The following PTPRD variants were observed in gnomAD, a reference collection of about 807,000 sequenced individuals.
PTPRD encodes protein tyrosine phosphatase receptor type D, also known as receptor-type tyrosine-protein phosphatase delta.
Under a neutral mutation model 214.5 loss-of-function variants are expected in PTPRD, and 34 were observed. The observed-to-expected ratio is 0.16, with a 90% CI of 0.12 to 0.21. The LOEUF (loss-of-function observed/expected upper bound fraction) is 0.21, where lower values mean the gene tolerates loss of function less well. PTPRD is among the 10% of genes least tolerant of loss of function. PTPRD has a pLI of 1.00. For missense variants in PTPRD, 2,545 were observed against 2,398.7 expected (o/e 1.06, Z -1.27); for synonymous variants, 1,128 against 845.7 (o/e 1.33, Z -5.79).
At chr9:9,105,236 T>A (rs1331481275) in intron 10 of PTPRD, among the ~76,000 whole-genome samples, 1 of 152,194 alleles carries the variant, frequency 6.6e-6, no homozygotes, top group Non-Finnish European at 1.5e-5. Context: ...AGAGGTGGCC[T>A]TATTCAACTC....
chr9:8,391,867 G>C (rs1050034253), intron 36 of PTPRD, among the ~76,000 whole-genome samples: 1 of 152,104 alleles, frequency 6.6e-6, no homozygotes, highest in Admixed American at 6.6e-5. Flanking sequence ...CAGGGAATCA[G>C]ACCCATCCAA....
In PTPRD at chr9:8,404,543, T is replaced by A; in HGVS notation, c.4204A>T (p.Ile1402Leu). The change falls in exon 36 of 46, where the codon ATA (isoleucine) becomes TTA (leucine). Residue 1402 changes from isoleucine to leucine, a missense_variant. Physicochemically the swap from Ile to Leu is conservative, Grantham distance 5. Coordinates refer to ENST00000381196, the MANE Select transcript of PTPRD (RefSeq NM_002839.4). The part of the protein sequence containing the change: ...YDHSRVLLSA[I>L]EGIPGSDYVN... ...GATGTCTGCATTTCCTTACCTTCTA[T>A]AGCTGATAGGAGAACCCGGGAATGA... The A allele has an allele frequency of 6.2e-7, 1 of 1,612,038 alleles. No individual in the cohort carries two copies. Among genetic ancestry groups the A allele is most frequent in the Non-Finnish European group, 8.5e-7 (1 of 1,178,416 alleles).
intron 11 of PTPRD, among the ~76,000 whole-genome samples, chr9:8,911,294 T>G (rs1185185183): frequency 6.6e-6 from 1 of 152,162 alleles, no homozygotes. Flanking sequence ...AACCCTCGTA[T>G]TTAAGGTCAA....
chr9:9,551,180 G>C (rs1405325107), intron 8 of PTPRD, among the ~76,000 whole-genome samples: 1 of 151,812 alleles, frequency 6.6e-6, no homozygotes, highest in Admixed American at 6.6e-5. Context: ...TAGTATGGAG[G>C]GGCTCATTTA....
intron 10 of PTPRD, among the ~76,000 whole-genome samples, chr9:9,114,433 A>G (rs972214788): frequency 6.6e-6 from 1 of 152,184 alleles, no homozygotes; most frequent in Non-Finnish European, 1.5e-5. Context: ...GTAAAACCTC[A>G]GTGGGATCAT....
intron 7 of PTPRD, among the ~76,000 whole-genome samples, chr9:9,662,244 C>T (rs903696234): frequency 6.6e-6 from 1 of 151,562 alleles, no homozygotes; most frequent in African/African-American, 2.4e-5. Context: ...AGTATCATAA[C>T]AAAACCATTA....
At chr9:8,697,336 G>C (rs1476671060) in intron 12 of PTPRD, among the ~76,000 whole-genome samples, 1 of 151,406 alleles carries the variant, frequency 6.6e-6, no homozygotes, top group Non-Finnish European at 1.5e-5. Flanking sequence ...ATATTTTAAA[G>C]CATTCTTTTC....
intron 9 of PTPRD, among the ~76,000 whole-genome samples, chr9:9,364,974 A>G (rs1012139941): frequency 2.0e-5 from 3 of 151,500 alleles, no homozygotes; most frequent in South Asian, 2.1e-4. Flanking sequence ...TTCTAGGTAC[A>G]TTGAGATTGT....
At position 9,709,790 on chromosome 9, in the gene PTPRD, G is replaced by A. The variant is rs75701615; in HGVS notation, c.-287+24743C>T. ...TGTAATCACCATTGATATAGTAGAC[G>A]TCATTAAATCATATTTTGTAAATTT... On this transcript the variant is annotated intron_variant, in intron 7 of 45. Transcript: ENST00000381196. Among the ~76,000 whole-genome samples the A allele has an allele frequency of 6.7e-3, 1,014 of 152,040 alleles. 8 individuals are homozygous for A. The highest frequency in any genetic ancestry group is 0.023 in the African/African-American group (970 of 41,514).
rs76179710 is a variant in PTPRD, at chr9:9,600,659, C to T, written c.-286-25878G>A. 7.7e-3 allele frequency among the ~76,000 whole-genome samples: 1,172 copies of T among 152,160 alleles called. 14 individuals are homozygous for T. The highest frequency in any genetic ancestry group is 0.027 in the African/African-American group (1,111 of 41,526). On this transcript the variant is annotated intron_variant, in intron 7 of 45. Coordinates refer to ENST00000381196, the MANE Select transcript of PTPRD (RefSeq NM_002839.4). ...CTGGCATCAACTGTTTTGTGAGTTC[C>T]CTTTAACTGTTCTTTCTTCTCTGAT... is the stretch of plus-strand genomic sequence containing the variant.
Position 8,597,912 on chromosome 9 carries a change from A to G in PTPRD, c.352+35405T>C, listed in dbSNP as rs144686969. ...AAAATGTACTCATTTTTCTTGGACC[A>G]ACTTGTTTAAAGACACAAAGGACTC... is the stretch of plus-strand genomic sequence containing the variant. On this transcript the variant is annotated intron_variant, in intron 14 of 45. Transcript: ENST00000381196. Among the ~76,000 whole-genome samples the G allele has an allele frequency of 8.0e-3, 1,225 of 152,272 alleles. 65 individuals are homozygous for G. The highest frequency in any genetic ancestry group is 0.074 in the Admixed American group (1,128 of 15,280).
chr9:8,348,980 GTCTCTACTGTTT>G (rs926731209), intron 39 of PTPRD, among the ~76,000 whole-genome samples: 4 of 151,970 alleles, frequency 2.6e-5, no homozygotes, highest in Admixed American at 1.3e-4. Flanking sequence ...CAGCTTCGTT[GTCTCTACTGTTT>G]GGCAATTTCC....
chr9:10,345,428 C>G (rs367660085), intron 2 of PTPRD, among the ~76,000 whole-genome samples: 1 of 151,434 alleles, frequency 6.6e-6, no homozygotes, highest in African/African-American at 2.4e-5. Context: ...CCCCCCACCC[C>G]CCACATGCCC....
intron 11 of PTPRD, among the ~76,000 whole-genome samples, chr9:8,810,252 C>A (rs184170338): frequency 6.6e-6 from 1 of 152,100 alleles, no homozygotes; most frequent in Non-Finnish European, 1.5e-5. Flanking sequence ...GACTATTGCA[C>A]ACAAAAAAAA....
At chr9:8,384,402 C>G (rs1341590779) in intron 37 of PTPRD, among the ~76,000 whole-genome samples, 1 of 151,878 alleles carries the variant, frequency 6.6e-6, no homozygotes, top group South Asian at 2.1e-4. Flanking sequence ...AAGATGGAAA[C>G]TAGGGAAAAA....
chr9:10,293,862 G>A (rs1275568213), intron 3 of PTPRD, among the ~76,000 whole-genome samples: 1 of 151,892 alleles, frequency 6.6e-6, no homozygotes, highest in African/African-American at 2.4e-5. Flanking sequence ...CTACTGATTT[G>A]TTGAAATGTT....
At chr9:9,937,861 A>C (rs1002254788) in intron 5 of PTPRD, among the ~76,000 whole-genome samples, 15 of 152,194 alleles carry the variant, frequency 9.9e-5, no homozygotes, top group African/African-American at 3.4e-4. Context: ...TATTCTATTC[A>C]GTTTACCAAA....
intron 12 of PTPRD, among the ~76,000 whole-genome samples, chr9:8,674,159 T>C (rs1408836743): frequency 3.9e-5 from 6 of 152,186 alleles, no homozygotes; most frequent in South Asian, 2.1e-4. Flanking sequence ...ATTTTGAATG[T>C]GCAATTCAAG....
In PTPRD at chr9:8,737,098, G is replaced by T. The variant is rs142701277; in HGVS notation, c.-103-3152C>A. Among the ~76,000 whole-genome samples the T allele has an allele frequency of 2.5e-3, 378 of 152,328 alleles. 2 individuals carry two copies. Among genetic ancestry groups the T allele is most frequent in the African/African-American group, 8.8e-3 (365 of 41,580 alleles). ...GACCTATGAATGCTCACTCAGGGAAGAAGTGATTTGGCTTTTCCTCCTACT... is the reference window on the plus strand; with the variant it reads ...GACCTATGAATGCTCACTCAGGGAATAAGTGATTTGGCTTTTCCTCCTACT... On this transcript the variant is annotated intron_variant, in intron 11 of 45. Coordinates refer to ENST00000381196, the MANE Select transcript of PTPRD (RefSeq NM_002839.4).
Sources: gnomAD v4.1 joint callset for allele counts (sites outside exome capture counted in the v4.1 genomes callset) on GRCh38, gnomAD v4.1.1 for gene constraint, MANE v1.5 for transcripts, NCBI Gene and HGNC (gene_info 2026-07-23, HGNC 2026-07-21) for gene names.